Variants in TGIF2 observed in about 807,000 individuals in gnomAD.
TGIF2 encodes the protein TGFB induced factor homeobox 2, also known as homeobox protein TGIF2.
A neutral mutation model predicts 15.1 loss-of-function variants in TGIF2; 5 were observed. The observed-to-expected ratio is 0.33, with a 90% CI of 0.17 to 0.70. The LOEUF is 0.70. Ranked by LOEUF, TGIF2 falls within the 30% of genes least tolerant of loss-of-function variation. TGIF2 has a pLI of 0.67. For missense variants in TGIF2, 264 were observed against 302.5 expected, an observed-to-expected ratio of 0.87 and a Z score of 0.94; for synonymous variants, 131 against 128.9, an observed-to-expected ratio of 1.02 and a Z score of -0.11.
chr20:36,587,151 G>A (rs1004644695), intron 2 of TGIF2, among the ~76,000 whole-genome samples: 1 of 152,232 alleles, frequency 6.6e-6, no homozygotes, highest in Non-Finnish European at 1.5e-5. Context: ...AAGGGCTGCA[G>A]AAGGGGCACT....
chr20:36,577,136 T>A (rs2038446397), intron 1 of TGIF2, among the ~76,000 whole-genome samples: 1 of 152,064 alleles, frequency 6.6e-6, no homozygotes, highest in Non-Finnish European at 1.5e-5. Flanking sequence ...CCTCAGCCTC[T>A]CAGAATAGCT....
intron 2 of TGIF2, among the ~76,000 whole-genome samples, chr20:36,580,839 A>C (rs1354254721): frequency 2.7e-4 from 33 of 122,554 alleles, no homozygotes; most frequent in Non-Finnish European, 4.3e-4. Flanking sequence ...AAAAAAAAAA[A>C]CAAGGCCAGG....
chr20:36,577,309 C>A (rs971819552), intron 1 of TGIF2, among the ~76,000 whole-genome samples: 17 of 151,924 alleles, frequency 1.1e-4, no homozygotes, highest in Admixed American at 1.1e-3. Context: ...AAGCAGTTCT[C>A]CTGCCTCAGC....
At chr20:36,577,726 G>A (rs768528813) in intron 1 of TGIF2, among the ~76,000 whole-genome samples, 1 of 151,104 alleles carries the variant, frequency 6.6e-6, no homozygotes, top group Non-Finnish European at 1.5e-5. Flanking sequence ...CTGTTGGCCA[G>A]GATGGTCTCA....
Position 36,593,363 on chromosome 20 carries a change from C to T in TGIF2, c.*1932C>T, listed in dbSNP as rs1327682675. 6.6e-6 allele frequency: 1 copy of T among 152,228 alleles called. No homozygotes were observed. The highest frequency in any genetic ancestry group is 1.5e-5 in the Non-Finnish European group (1 of 68,086). 9.4% of individuals were successfully genotyped at this position (152,228 alleles called of 1,614,324 possible). A position where few individuals can be genotyped will look rare whatever the true frequency, so the allele number is the denominator to read the frequency against. On this transcript the variant is annotated 3_prime_UTR_variant, in exon 3 of 3. Transcript: ENST00000373872. ...TGAAGCCATCACAGAGGCTCCCCAA[C>T]TTCTGAGTCGCCCATCTGTTGCTGT...
intron 2 of TGIF2, among the ~76,000 whole-genome samples, chr20:36,587,114 T>C (rs1417485907): frequency 6.6e-6 from 1 of 152,216 alleles, no homozygotes; most frequent in Non-Finnish European, 1.5e-5. Flanking sequence ...GTTCTTTTCC[T>C]GACTTAGGCA....
chr20:36,592,161 A>G lies in TGIF2; in HGVS notation c.*730A>G, dbSNP rs1313960598. ...TCATTGGTTTGGTTTACCAAAAAAA[A>G]GGCAGGGAAAAAAAAAAAAAACAAC... is the stretch of plus-strand genomic sequence containing the variant. On this transcript the variant is annotated 3_prime_UTR_variant, in exon 3 of 3. Transcript: ENST00000373872. 6.6e-6 allele frequency: 1 copy of G among 150,970 alleles called. No homozygotes were observed. The highest frequency in any genetic ancestry group is 2.5e-5 in the African/African-American group (1 of 40,596). The allele number at this position is 150,970 out of a possible 1,614,324, so 9.4% of individuals were successfully genotyped here.
At chr20:36,590,714 A>G (rs2038752820) in intron 2 of TGIF2, among the ~76,000 whole-genome samples, 196 bp from the exon 3 acceptor site, 1 of 152,044 alleles carries the variant, frequency 6.6e-6, no homozygotes, top group South Asian at 2.1e-4. Flanking sequence ...ACAGGGGTGC[A>G]CCACTACACC....
Position 36,591,138 on chromosome 20 carries a change from A to C in TGIF2, c.421A>C (p.Lys141Gln). The change falls in exon 3 of 3, where the codon AAG becomes CAG. Residue 141 changes from lysine (K) to glutamine (Q), a missense_variant. Coordinates refer to ENST00000373872, the MANE Select transcript of TGIF2 (RefSeq NM_021809.7). The surrounding 1 kb of genome is among the most constrained non-coding windows in gnomAD (Gnocchi z 5.3). The part of the protein sequence containing the change: ...SMPLHSGQGE[K>Q]PAAPFPRGEL... ...GCCGCTTCACTCAGGCCAGGGGGAAAAGCCAGCAGCCCCTTTCCCACGTGG... is the reference window on the plus strand; with the variant it reads ...GCCGCTTCACTCAGGCCAGGGGGAACAGCCAGCAGCCCCTTTCCCACGTGG... 1 of 1,613,822 alleles carries C rather than the reference A, an allele frequency of 6.2e-7. No homozygotes were observed.
At chr20:36,574,292 G>T (rs2038365011) in intron 1 of TGIF2, among the ~76,000 whole-genome samples, 1 of 152,030 alleles carries the variant, frequency 6.6e-6, no homozygotes. Flanking sequence ...GCTGGCCAAG[G>T]AAGCGGGGCG....
Position 36,580,224 on chromosome 20 carries a change from C to T in TGIF2, c.192+1258C>T, listed in dbSNP as rs111873206. Among the ~76,000 whole-genome samples the T allele has an allele frequency of 1.4e-3, 212 of 152,322 alleles. 1 individual carries two copies. Among genetic ancestry groups the T allele is most frequent in the Non-Finnish European group, 2.4e-3 (164 of 68,030 alleles). ...CCCTTATCCCACTCTGAACCTCCCA[C>T]GTCTTCCTAGCTCCTATCTTTCTTC... On this transcript the variant is annotated intron_variant, in intron 2 of 2. Transcript: ENST00000373872.
At chr20:36,590,741 T>G (rs1347401287) in intron 2 of TGIF2, among the ~76,000 whole-genome samples, 169 bp from the exon 3 acceptor site, 1 of 152,082 alleles carries the variant, frequency 6.6e-6, no homozygotes, top group Non-Finnish European at 1.5e-5. Context: ...ACTTCTTTTG[T>G]AGAAACAGGG....
chr20:36,579,101 G>C lies in TGIF2; in HGVS notation c.192+135G>C, dbSNP rs554360721. Reference sequence around the variant, plus strand: ...GGCTTCGGTTTCTTCTTGGGTTAGGGGAGAACACCCACTCTCCCTGTCTCA... The same window carrying C: ...GGCTTCGGTTTCTTCTTGGGTTAGGCGAGAACACCCACTCTCCCTGTCTCA... On this transcript the variant is annotated intron_variant, in intron 2 of 2. Transcript: ENST00000373872. 3.3e-6 allele frequency: 4 copies of C among 1,213,482 alleles called. No homozygotes were observed. The African/African-American group carries it at 6.2e-5, about 19-fold the overall frequency. The allele number at this position is 1,213,482 out of a possible 1,614,324, so 75.2% of individuals were successfully genotyped here.
rs1399644710 is a variant in TGIF2 at position 36,593,356 on chromosome 20, T to G, written c.*1925T>G. The G allele has an allele frequency of 1.3e-5, 2 of 152,116 alleles. No homozygotes were observed. The highest frequency in any genetic ancestry group is 4.8e-5 in the African/African-American group (2 of 41,402). The allele number at this position is 152,116 out of a possible 1,614,324, so 9.4% of individuals were successfully genotyped here. On this transcript the variant is annotated 3_prime_UTR_variant, in exon 3 of 3. Coordinates refer to ENST00000373872, the MANE Select transcript of TGIF2 (RefSeq NM_021809.7). The stretch of plus-strand genomic sequence containing the variant: ...AGATCCCTGAAGCCATCACAGAGGC[T>G]CCCCAACTTCTGAGTCGCCCATCTG...
chr20:36,586,378 G>A (rs937482177), intron 2 of TGIF2, among the ~76,000 whole-genome samples: 5 of 152,054 alleles, frequency 3.3e-5, no homozygotes, highest in Non-Finnish European at 7.3e-5. Context: ...TAAAGCAGAG[G>A]GGGAAATCAC....
intron 2 of TGIF2, among the ~76,000 whole-genome samples, chr20:36,582,435 C>T (rs951757222): frequency 2.0e-5 from 3 of 152,046 alleles, no homozygotes; most frequent in African/African-American, 7.2e-5. Context: ...ATGTAAAAAC[C>T]GTGACATTCC....
rs963968980 is a variant in TGIF2, at chr20:36,593,459, C to T, written c.*2028C>T. The T allele has an allele frequency of 6.6e-6, 1 of 152,376 alleles. No individual in the cohort carries two copies. Among genetic ancestry groups the T allele is most frequent in the Admixed American group, 6.5e-5 (1 of 15,270 alleles). 9.4% of individuals were successfully genotyped at this position (152,376 alleles called of 1,614,324 possible). A position where few individuals can be genotyped will look rare whatever the true frequency, so the allele number is the denominator to read the frequency against. The stretch of plus-strand genomic sequence containing the variant: ...TAGGTGGGCAAGTTTCCTGGGCTCT[C>T]TGTGTTGCCTCCCTCTGGCTTCTTC... On this transcript the variant is annotated 3_prime_UTR_variant, in exon 3 of 3. Transcript: ENST00000373872.
At chr20:36,584,290 G>A (rs2038607343) in intron 2 of TGIF2, among the ~76,000 whole-genome samples, 1 of 150,310 alleles carries the variant, frequency 6.7e-6, no homozygotes, top group African/African-American at 2.5e-5. Flanking sequence ...ACACTAAACT[G>A]TAATTGCTTT....
At position 36,587,056 on chromosome 20, in the gene TGIF2, C is replaced by A. The variant is rs760107605; in HGVS notation, c.193-3854C>A. ...TATACATCACAGAGTTCACTTTGAC[C>A]TTCTTCCTACCATCTCCCCAAGGAC... On this transcript the variant is annotated intron_variant, in intron 2 of 2. Coordinates refer to ENST00000373872, the MANE Select transcript of TGIF2 (RefSeq NM_021809.7). 4.6e-5 allele frequency among the ~76,000 whole-genome samples: 7 copies of A among 152,162 alleles called. 1 individual carries two copies. Among genetic ancestry groups the A allele is most frequent in the Non-Finnish European group, 7.3e-5 (5 of 68,028 alleles).
Sources: allele counts gnomAD v4.1 joint callset (sites outside exome capture counted in the v4.1 genomes callset), GRCh38; gene constraint gnomAD v4.1.1; non-coding constraint Gnocchi (gnomAD v3.1); transcripts MANE v1.5; gene names NCBI Gene and HGNC (gene_info 2026-07-23, HGNC 2026-07-21).